The following CNTNAP2 variants were observed in gnomAD, a reference collection of about 807,000 sequenced individuals.
CNTNAP2 encodes the protein contactin associated protein 2.
In CNTNAP2, 98 loss-of-function variants were observed where a neutral mutation model predicts 155.2. The ratio of observed to expected loss-of-function variants is 0.63; its 90% CI spans 0.54 to 0.75. CNTNAP2 has a LOEUF of 0.75. Among genes scored for constraint, CNTNAP2 ranks in the 30% least tolerant of loss-of-function variants. The pLI is 0.00. For missense variants in CNTNAP2, 1,727 were observed against 1,688.1 expected, an observed-to-expected ratio of 1.02 and a Z score of -0.40; for synonymous variants, 651 against 631.2, an observed-to-expected ratio of 1.03 and a Z score of -0.47.
At chr7:147,454,086 T>C (rs1797879664) in intron 10 of CNTNAP2, among the ~76,000 whole-genome samples, 1 of 152,158 alleles carries the variant, frequency 6.6e-6, no homozygotes, top group East Asian at 1.9e-4. Context: ...CAACTAAAGA[T>C]TTGTGAATTT....
At chr7:147,160,511 C>T (rs1248042321) in intron 8 of CNTNAP2, among the ~76,000 whole-genome samples, 2 of 152,036 alleles carry the variant, frequency 1.3e-5, no homozygotes, top group Non-Finnish European at 2.9e-5. Context: ...CAACCCCCTC[C>T]TTTTATTAAT....
At chr7:147,346,923 G>A (rs529882861) in intron 9 of CNTNAP2, among the ~76,000 whole-genome samples, 1 of 151,912 alleles carries the variant, frequency 6.6e-6, no homozygotes, top group African/African-American at 2.4e-5. Context: ...GTTTTTACTT[G>A]GTTGTAGTCA....
chr7:147,803,489 C>T (rs894845799), intron 13 of CNTNAP2, among the ~76,000 whole-genome samples: 1 of 152,172 alleles, frequency 6.6e-6, no homozygotes, highest in African/African-American at 2.4e-5. Context: ...TACTCATGTT[C>T]TTCTAGGGAG....
chr7:146,337,365 TG>T (rs1488051006), intron 1 of CNTNAP2, among the ~76,000 whole-genome samples: 2 of 152,094 alleles, frequency 1.3e-5, no homozygotes, highest in Non-Finnish European at 2.9e-5. Flanking sequence ...ACTGCTAGTT[TG>T]AGAAAGGGCT....
intron 1 of CNTNAP2, among the ~76,000 whole-genome samples, chr7:146,703,429 A>G (rs1159065816): frequency 1.3e-5 from 2 of 152,170 alleles, no homozygotes. Flanking sequence ...ACAAAATCAA[A>G]CATCAGAATA....
chr7:146,138,321 T>A (rs1797827080), intron 1 of CNTNAP2, among the ~76,000 whole-genome samples: 1 of 152,140 alleles, frequency 6.6e-6, no homozygotes, highest in African/African-American at 2.4e-5. Flanking sequence ...ACCACAGATT[T>A]ATTAAGTATA....
chr7:147,468,979 C>G (rs970900690), intron 10 of CNTNAP2, among the ~76,000 whole-genome samples: 1 of 151,876 alleles, frequency 6.6e-6, no homozygotes, highest in Non-Finnish European at 1.5e-5. Context: ...TGCGCCATCA[C>G]GCCAGGCTGA....
chr7:148,177,456 C>T (rs748082224), intron 18 of CNTNAP2, among the ~76,000 whole-genome samples: 22 of 152,304 alleles, frequency 1.4e-4, no homozygotes, highest in Non-Finnish European at 2.8e-4. Context: ...TTCGAAGAAG[C>T]GTAGCCCTGA....
chr7:147,320,020 G>A lies in CNTNAP2; in HGVS notation c.1498+19730G>A, dbSNP rs1001770039. On this transcript the variant is annotated intron_variant, in intron 9 of 23. Transcript: ENST00000361727. ...AGGCAATACAAAAATAAATGGGTAT[G>A]TTTGTATTCCAGTAAAACATTTACA... is the stretch of plus-strand genomic sequence containing the variant. Among the ~76,000 whole-genome samples, 8 of 152,272 alleles carry A rather than the reference G, an allele frequency of 5.3e-5. No homozygotes were observed. The East Asian group carries it at 9.7e-4, about 18-fold the overall frequency.
At chr7:147,259,107 T>A (rs1015714104) in intron 8 of CNTNAP2, among the ~76,000 whole-genome samples, 1 of 152,208 alleles carries the variant, frequency 6.6e-6, no homozygotes, top group Non-Finnish European at 1.5e-5. Context: ...GGTTGTAGCA[T>A]GTTGTGGTCA....
chr7:147,706,028 T>C (rs942982371), intron 13 of CNTNAP2, among the ~76,000 whole-genome samples: 4 of 152,040 alleles, frequency 2.6e-5, no homozygotes, highest in Non-Finnish European at 5.9e-5. Context: ...AAGTGGAAGG[T>C]TTAACCTATT....
chr7:148,414,783 T>C (rs1326171713), intron 23 of CNTNAP2: 1 of 155,906 alleles, frequency 6.4e-6, no homozygotes, highest in Non-Finnish European at 1.4e-5. Flanking sequence ...CTGTATTAAA[T>C]GCTCTGATTG....
rs1393469382 is a variant in CNTNAP2 at position 148,365,762 on chromosome 7, A to G, written c.3476-17887A>G. Among the ~76,000 whole-genome samples, 143 of 61,534 alleles carry G rather than the reference A, an allele frequency of 2.3e-3. 49 individuals carry two copies. The highest frequency in any genetic ancestry group is 8.9e-3 in the African/African-American group (140 of 15,700). 40.4% of individuals were successfully genotyped at this position (61,534 alleles called of 152,430 possible). On this transcript the variant is annotated intron_variant, in intron 21 of 23. Coordinates refer to ENST00000361727, the MANE Select transcript of CNTNAP2 (RefSeq NM_014141.6). ...TGTATACATGTATACATGTATGTGT[A>G]TACGTGTATACATGTATGTGTATGC...
rs1803741894 is a variant in CNTNAP2 at position 146,842,224 on chromosome 7, G to A, written c.402+2320G>A. On this transcript the variant is annotated intron_variant, in intron 3 of 23. Transcript: ENST00000361727. Reference sequence around the variant, plus strand: ...TATTACATAGAATAATAATGGTTGAGTCGGGGAGACAAGGATGTCATGTAG... The same window carrying A: ...TATTACATAGAATAATAATGGTTGAATCGGGGAGACAAGGATGTCATGTAG... Among the ~76,000 whole-genome samples, 3 of 152,036 alleles carry A rather than the reference G, an allele frequency of 2.0e-5. 1 individual carries two copies. The highest frequency in any genetic ancestry group is 7.3e-5 in the African/African-American group (3 of 41,358).
chr7:147,529,597 T>C (rs1329626617), intron 11 of CNTNAP2, among the ~76,000 whole-genome samples: 4 of 152,214 alleles, frequency 2.6e-5, no homozygotes, highest in African/African-American at 9.6e-5. Flanking sequence ...GTCAAACTAT[T>C]ATGGTGATGT....
chr7:147,707,168 C>T (rs903329052), intron 13 of CNTNAP2, among the ~76,000 whole-genome samples: 1 of 151,896 alleles, frequency 6.6e-6, no homozygotes, highest in African/African-American at 2.4e-5. Context: ...TCTTGTGTTT[C>T]TTTGAAAGTA....
chr7:146,996,169 C>A (rs1798305400), intron 3 of CNTNAP2, among the ~76,000 whole-genome samples: 1 of 151,796 alleles, frequency 6.6e-6, no homozygotes, highest in African/African-American at 2.4e-5. Flanking sequence ...ACTGTTTTTT[C>A]CCCCATTTTG....
chr7:147,785,777 A>C (rs1188503407), intron 13 of CNTNAP2, among the ~76,000 whole-genome samples: 1 of 151,928 alleles, frequency 6.6e-6, no homozygotes, highest in Non-Finnish European at 1.5e-5. Context: ...GGATCACCTG[A>C]GGTCAGGAGT....
chr7:147,881,103 C>T (rs1017893951), intron 13 of CNTNAP2, among the ~76,000 whole-genome samples: 7 of 152,120 alleles, frequency 4.6e-5, no homozygotes, highest in African/African-American at 1.4e-4. Context: ...GCATTTCTCT[C>T]TGATATCCTG....
Sources: allele counts gnomAD v4.1 joint callset (sites outside exome capture counted in the v4.1 genomes callset), GRCh38; gene constraint gnomAD v4.1.1; transcripts MANE v1.5; gene names NCBI Gene and HGNC (gene_info 2026-07-23, HGNC 2026-07-21).